Variants in ATF6 observed in about 807,000 individuals in gnomAD.
ATF6 encodes cyclic AMP-dependent transcription factor ATF-6 alpha.
A neutral mutation model predicts 83.6 loss-of-function variants in ATF6; 53 were observed. That is an observed-to-expected ratio of 0.63 (90% CI 0.51 to 0.80). The LOEUF (loss-of-function observed/expected upper bound fraction) is 0.80. Among genes scored for constraint, ATF6 ranks in the 30% least tolerant of loss-of-function variants. The probability of loss-of-function intolerance (pLI) is 0.00; values close to 1 mark genes in which losing one functional copy is unlikely to be tolerated. For synonymous variants in ATF6, 288 were observed against 285.8 expected, an observed-to-expected ratio of 1.01 and a Z score of -0.08; for missense variants, 744 against 797.9, an observed-to-expected ratio of 0.93 and a Z score of 0.81.
chr1:161,928,763 G>A (rs1199366771), intron 15 of ATF6, among the ~76,000 whole-genome samples: 1 of 152,086 alleles, frequency 6.6e-6, no homozygotes, highest in Non-Finnish European at 1.5e-5. Flanking sequence ...TCTCACTAAT[G>A]AATTTACTGT....
At chr1:161,956,177 C>T (rs1688962446) in intron 15 of ATF6, among the ~76,000 whole-genome samples, 1 of 152,176 alleles carries the variant, frequency 6.6e-6, no homozygotes, top group South Asian at 2.1e-4. Flanking sequence ...TGATCTTAAA[C>T]TGTCATCTGG....
intron 14 of ATF6, among the ~76,000 whole-genome samples, chr1:161,901,430 GAA>G (rs140542554): frequency 9.4e-6 from 1 of 106,948 alleles, no homozygotes; most frequent in East Asian, 2.6e-4. Context: ...TGTTTTATTT[GAA>G]AAAAAAAACA....
intron 14 of ATF6, among the ~76,000 whole-genome samples, chr1:161,910,123 TA>T (rs1270286744): frequency 5.3e-5 from 8 of 152,222 alleles, no homozygotes; most frequent in African/African-American, 1.9e-4. Flanking sequence ...AAGAAACATT[TA>T]TTTTGAGGAA....
intron 14 of ATF6, among the ~76,000 whole-genome samples, chr1:161,867,218 C>G (rs1180362478): frequency 6.6e-6 from 1 of 151,976 alleles, no homozygotes; most frequent in Admixed American, 6.5e-5. Flanking sequence ...TGGCGTGAAC[C>G]TGGGAGACGG....
chr1:161,849,558 T>C (rs764581591), intron 10 of ATF6, among the ~76,000 whole-genome samples: 6 of 152,300 alleles, frequency 3.9e-5, no homozygotes, highest in Middle Eastern at 3.4e-3. Flanking sequence ...CTTGAAAGAC[T>C]TTCCTTTTGT....
At chr1:161,815,184 ATTTTTTT>A (rs34687938) in intron 7 of ATF6, among the ~76,000 whole-genome samples, 18 of 96,452 alleles carry the variant, frequency 1.9e-4, no homozygotes, top group African/African-American at 2.4e-4. Flanking sequence ...TCCCATTTTA[ATTTTTTT>A]TTTTTTTTTT....
chr1:161,832,599 G>A (rs1009887529), intron 9 of ATF6, among the ~76,000 whole-genome samples: 1 of 152,218 alleles, frequency 6.6e-6, no homozygotes, highest in Non-Finnish European at 1.5e-5. Context: ...CAGCACACGA[G>A]GAGATTATAT....
intron 15 of ATF6, among the ~76,000 whole-genome samples, chr1:161,921,111 T>C (rs1432831221): frequency 1.3e-5 from 2 of 152,160 alleles, no homozygotes; most frequent in Non-Finnish European, 2.9e-5. Flanking sequence ...AGTTGCTGTG[T>C]TGAGTCAACA....
At chr1:161,778,167 CAT>C (rs1310459743) in intron 1 of ATF6, 75 bp from the exon 2 acceptor site, 2 of 1,163,790 alleles carry the variant, frequency 1.7e-6, no homozygotes, top group African/African-American at 3.0e-5. Flanking sequence ...ATAGAGGTGA[CAT>C]AGGGACACAG....
At chr1:161,862,289 C>A (rs191184022) in intron 13 of ATF6, among the ~76,000 whole-genome samples, 2 of 152,186 alleles carry the variant, frequency 1.3e-5, no homozygotes, top group East Asian at 3.9e-4. Flanking sequence ...TTATTACTTC[C>A]ATTTAGGTCA....
chr1:161,885,893 T>C (rs1456952192), intron 14 of ATF6, among the ~76,000 whole-genome samples: 1 of 152,208 alleles, frequency 6.6e-6, no homozygotes, highest in African/African-American at 2.4e-5. Flanking sequence ...TGCAGAATAC[T>C]GAGATTATAA....
intron 6 of ATF6, among the ~76,000 whole-genome samples, chr1:161,800,848 G>A (rs1685127390): frequency 6.6e-6 from 1 of 152,148 alleles, no homozygotes; most frequent in Non-Finnish European, 1.5e-5. Context: ...TCATTAACAA[G>A]TTTTTGTTTT....
chr1:161,789,252 C>CTTT lies in ATF6; in HGVS notation c.355-2132_355-2130dup, dbSNP rs71755584. On this transcript the variant is annotated intron_variant, in intron 4 of 15. Coordinates refer to ENST00000367942, the MANE Select transcript of ATF6 (RefSeq NM_007348.4). ...TAAATAATATGTCTTATTCCTTCTC[C>CTTT]TTTTTTTTTTTTTTTTTTTTTTTTT... Among the ~76,000 whole-genome samples the CTTT allele has an allele frequency of 8.7e-3, 885 of 101,368 alleles. 126 individuals carry two copies. In the East Asian group the frequency reaches 0.13, roughly 15 times the overall value. 66.5% of individuals were successfully genotyped at this position (101,368 alleles called of 152,430 possible).
At chr1:161,938,584 T>G (rs1688583288) in intron 15 of ATF6, among the ~76,000 whole-genome samples, 1 of 152,206 alleles carries the variant, frequency 6.6e-6, no homozygotes, top group African/African-American at 2.4e-5. Context: ...TAGAAGAAAG[T>G]CATCACACTG....
chr1:161,916,724 C>T (rs948906440), intron 15 of ATF6, among the ~76,000 whole-genome samples: 7 of 152,044 alleles, frequency 4.6e-5, no homozygotes, highest in African/African-American at 1.7e-4. Flanking sequence ...ATGACATTTA[C>T]GTTTTTAAAA....
rs35932688 is a variant in ATF6, at chr1:161,869,079, C to CAAA, written c.1719+5774_1719+5776dup. ...ACTGTAGGAAATACTGTGATTATTG[C>CAAA]AAAAAAAAAGGTTGACTAGTGGTGT... On this transcript the variant is annotated intron_variant, in intron 14 of 15. Transcript: ENST00000367942. 8.1e-3 allele frequency among the ~76,000 whole-genome samples: 1,213 copies of CAAA among 149,108 alleles called. 22 individuals are homozygous for CAAA. The highest frequency in any genetic ancestry group is 0.028 in the African/African-American group (1,121 of 40,746).
intron 14 of ATF6, among the ~76,000 whole-genome samples, chr1:161,883,580 TTAGA>T (rs1218734631): frequency 2.0e-5 from 3 of 152,006 alleles, no homozygotes; most frequent in African/African-American, 2.4e-5. Flanking sequence ...CATATTGATA[TTAGA>T]TAGGAGCCAC....
chr1:161,881,128 A>G (rs1050883943), intron 14 of ATF6, among the ~76,000 whole-genome samples: 1 of 151,784 alleles, frequency 6.6e-6, no homozygotes, highest in Non-Finnish European at 1.5e-5. Context: ...CATTTTGAGG[A>G]TTTTGTGTGT....
At chr1:161,781,834 A>G in intron 2 of ATF6, 78 bp from the exon 3 acceptor site, 1 of 958,800 alleles carries the variant, frequency 1.0e-6, no homozygotes, top group Non-Finnish European at 1.6e-6. Flanking sequence ...ATTTGTGCCA[A>G]ATTGTGTCTC....
Sources: gnomAD v4.1 joint callset for allele counts (sites outside exome capture counted in the v4.1 genomes callset) on GRCh38, gnomAD v4.1.1 for gene constraint, MANE v1.5 for transcripts, NCBI Gene and HGNC (gene_info 2026-07-23, HGNC 2026-07-21) for gene names.